GABRG1: variants seen among roughly 807,000 people sequenced by gnomAD.
The protein encoded by GABRG1 is gamma-aminobutyric acid type A receptor subunit gamma1.
In GABRG1, 49 loss-of-function variants were observed where a neutral mutation model predicts 49.8. The ratio of observed to expected loss-of-function variants is 0.98; its 90% CI spans 0.78 to 1.25. The LOEUF is 1.25. Ranked by LOEUF, GABRG1 falls within the 50% of genes most tolerant of loss-of-function variation. GABRG1 has a pLI of 0.00. For missense variants in GABRG1, 552 were observed against 552.3 expected, an observed-to-expected ratio of 1.00 and a Z score of 0.01; for synonymous variants, 232 against 185.1, an observed-to-expected ratio of 1.25 and a Z score of -2.06.
intron 2 of GABRG1, among the ~76,000 whole-genome samples, chr4:46,088,439 A>G (rs745948687): frequency 2.6e-5 from 4 of 151,960 alleles, no homozygotes; most frequent in Non-Finnish European, 5.9e-5. Flanking sequence ...GAAATATGGT[A>G]TTTATTTTGT....
At chr4:46,105,820 G>GATAGATAC (rs1720517549) in intron 1 of GABRG1, among the ~76,000 whole-genome samples, 1 of 149,930 alleles carries the variant, frequency 6.7e-6, no homozygotes, top group Admixed American at 6.7e-5. Flanking sequence ...TAGATAGATA[G>GATAGATAC]ATAGATAGAT....
At chr4:46,078,888 C>T (rs889007458) in intron 3 of GABRG1, among the ~76,000 whole-genome samples, 1 of 151,930 alleles carries the variant, frequency 6.6e-6, no homozygotes, top group East Asian at 1.9e-4. Flanking sequence ...GAATTGGTTA[C>T]AATTTTTTCT....
chr4:46,078,132 C>T (rs1340489147), intron 3 of GABRG1, among the ~76,000 whole-genome samples: 2 of 151,668 alleles, frequency 1.3e-5, no homozygotes, highest in African/African-American at 4.8e-5. Context: ...TAGTTTCAAG[C>T]TTTAAAATAC....
intron 1 of GABRG1, among the ~76,000 whole-genome samples, chr4:46,116,079 T>C (rs1292239268): frequency 6.6e-6 from 1 of 150,884 alleles, no homozygotes; most frequent in South Asian, 2.1e-4. Flanking sequence ...AACTTTTAGA[T>C]TTTTGTCTTT....
At chr4:46,076,778 G>T (rs2109417741) in intron 3 of GABRG1, among the ~76,000 whole-genome samples, 1 of 151,684 alleles carries the variant, frequency 6.6e-6, no homozygotes, top group African/African-American at 2.4e-5. Flanking sequence ...AAGACTGTTT[G>T]CCTTGAGGTA....
At chr4:46,083,865 A>G in intron 3 of GABRG1, 121 bp downstream of exon 3, 1 of 679,370 alleles carries the variant, frequency 1.5e-6, no homozygotes. Flanking sequence ...AAGTAATTGT[A>G]CATGTTGATC....
At chr4:46,116,971 A>G (rs1165569250) in intron 1 of GABRG1, among the ~76,000 whole-genome samples, 3 of 150,474 alleles carry the variant, frequency 2.0e-5, no homozygotes, top group Non-Finnish European at 4.5e-5. Flanking sequence ...TATTATAATT[A>G]TACCCATCTA....
intron 1 of GABRG1, among the ~76,000 whole-genome samples, chr4:46,115,412 C>T (rs1315519851): frequency 6.6e-6 from 1 of 150,678 alleles, no homozygotes; most frequent in Non-Finnish European, 1.5e-5. Flanking sequence ...TCCCACCTTA[C>T]ACAGTAAATT....
At chr4:46,102,903 T>C (rs1268410385) in intron 1 of GABRG1, among the ~76,000 whole-genome samples, 1 of 151,660 alleles carries the variant, frequency 6.6e-6, no homozygotes. Flanking sequence ...GAAAAAAATA[T>C]ATGCCTATAG....
chr4:46,091,266 T>C (rs1041379968), intron 2 of GABRG1, among the ~76,000 whole-genome samples: 4 of 152,040 alleles, frequency 2.6e-5, no homozygotes, highest in Non-Finnish European at 5.9e-5. Context: ...TCTGACCAAA[T>C]GACAGTGATT....
At chr4:46,097,775 A>G (rs1378211189) in intron 1 of GABRG1, among the ~76,000 whole-genome samples, 1 of 151,716 alleles carries the variant, frequency 6.6e-6, no homozygotes, top group South Asian at 2.1e-4. Context: ...GTCTGGTAAA[A>G]TGTACAAAAA....
intron 3 of GABRG1, among the ~76,000 whole-genome samples, chr4:46,072,393 T>C (rs1719164284): frequency 6.6e-6 from 1 of 152,058 alleles, no homozygotes; most frequent in Admixed American, 6.6e-5. Flanking sequence ...AAATTAACCA[T>C]CACAGAGCTA....
At chr4:46,053,649 T>G (rs1010240115) in intron 7 of GABRG1, among the ~76,000 whole-genome samples, 2 of 151,998 alleles carry the variant, frequency 1.3e-5, no homozygotes, top group African/African-American at 4.8e-5. Context: ...GCTCCACAAT[T>G]ATGTCTCCTA....
intron 1 of GABRG1, among the ~76,000 whole-genome samples, chr4:46,111,649 A>G: frequency 6.6e-6 from 1 of 151,466 alleles, no homozygotes; most frequent in South Asian, 2.1e-4. Flanking sequence ...ACAGACACAT[A>G]GGCAAATGGA....
At chr4:46,102,510 C>T (rs1720415223) in intron 1 of GABRG1, among the ~76,000 whole-genome samples, 1 of 151,606 alleles carries the variant, frequency 6.6e-6, no homozygotes. Context: ...CCTGAAGCCT[C>T]TCTTGCCACT....
chr4:46,085,123 G>A (rs541846159), intron 2 of GABRG1, among the ~76,000 whole-genome samples: 102 of 150,976 alleles, frequency 6.8e-4, no homozygotes, highest in African/African-American at 2.4e-3. Flanking sequence ...ATCAGCAAAC[G>A]CCGAGTGCCT....
intron 3 of GABRG1, among the ~76,000 whole-genome samples, chr4:46,078,054 C>A (rs1719425595): frequency 6.6e-6 from 1 of 151,274 alleles, no homozygotes; most frequent in Non-Finnish European, 1.5e-5. Context: ...AAAATAAGAT[C>A]TGTTAAAAAA....
intron 5 of GABRG1, 53 bp downstream of exon 5, chr4:46,064,388 A>C: frequency 1.1e-6 from 1 of 945,176 alleles, no homozygotes; most frequent in Non-Finnish European, 1.6e-6. Flanking sequence ...TTTTTAAATA[A>C]ACAGCTTCTA....
At chr4:46,071,391 TAATA>T (rs1422666337) in intron 3 of GABRG1, among the ~76,000 whole-genome samples, 6 of 149,944 alleles carry the variant, frequency 4.0e-5, no homozygotes, top group Non-Finnish European at 7.4e-5. Context: ...AAGTATAGCA[TAATA>T]AATACATAAA....
Sources: gnomAD v4.1 joint callset for allele counts (sites outside exome capture counted in the v4.1 genomes callset) on GRCh38, gnomAD v4.1.1 for gene constraint, MANE v1.5 for transcripts, NCBI Gene and HGNC (gene_info 2026-07-23, HGNC 2026-07-21) for gene names.